Variants in TGFBR3 observed in about 807,000 individuals in gnomAD.
TGFBR3 encodes the protein transforming growth factor beta receptor 3.
TGFBR3 carries 46 observed loss-of-function variants against 87.9 expected under a neutral mutation model. The observed-to-expected ratio is 0.52, with a 90% CI of 0.41 to 0.67. The LOEUF (loss-of-function observed/expected upper bound fraction) is 0.67. TGFBR3 is among the 30% of genes least tolerant of loss of function. TGFBR3 has a pLI of 0.00. For missense variants in TGFBR3, 866 were observed against 1,041.9 expected (o/e 0.83, Z 2.32); for synonymous variants, 381 against 391.6 (o/e 0.97, Z 0.32).
intron 16 of TGFBR3, among the ~76,000 whole-genome samples, chr1:91,687,248 G>C (rs1671117453): frequency 1.3e-5 from 2 of 152,180 alleles, no homozygotes; most frequent in Non-Finnish European, 1.5e-5. Context: ...GAGGCCAGGA[G>C]TTAGAGACTG....
In TGFBR3 at chr1:91,716,584, C is replaced by T; in HGVS notation, c.1691G>A (p.Arg564Gln). Residue 564 changes from arginine (R) to glutamine (Q), a missense_variant, in exon 11 of 17, where the codon CGA becomes CAA. Arg to Gln is a conservative substitution (Grantham distance 43). Transcript: ENST00000212355. ...MDEGDASLFT[R>Q]PEIVVFNCSL... ...AACACATACCACCACGATTTCAGGTCGGGTGAACAGGGAAGCATCTCCTTC... is the reference window on the plus strand; with the variant it reads ...AACACATACCACCACGATTTCAGGTTGGGTGAACAGGGAAGCATCTCCTTC... 5.0e-6 allele frequency: 8 copies of T among 1,614,062 alleles called. No individual in the cohort carries two copies. The highest frequency in any genetic ancestry group is 6.8e-6 in the Non-Finnish European group (8 of 1,180,016).
chr1:91,721,815 A>C (rs1232313031), intron 8 of TGFBR3, 140 bp downstream of exon 8: 1 of 760,438 alleles, frequency 1.3e-6, no homozygotes, highest in African/African-American at 1.8e-5. Flanking sequence ...GGTAATTTTA[A>C]GCCTTCTGAT....
chr1:91,735,044 T>G lies in TGFBR3; in HGVS notation c.385-85A>C. ...AGAGAAAGTACTTCTCAAATCGAAG[T>G]GCTTGTAAATCGAACCTCTTCCCTT... On this transcript the variant is annotated intron_variant, in intron 4 of 16. Coordinates refer to ENST00000212355, the MANE Select transcript of TGFBR3 (RefSeq NM_003243.5). 7 of 1,492,078 alleles carry G rather than the reference T, an allele frequency of 4.7e-6. 1 individual carries two copies. The South Asian group carries it at 8.0e-5, about 17-fold the overall frequency. The allele number at this position is 1,492,078 out of a possible 1,614,324, so 92.4% of individuals were successfully genotyped here. A position where few individuals can be genotyped will look rare whatever the true frequency, so the allele number is the denominator to read the frequency against.
At chr1:91,794,892 T>C (rs1238290498) in intron 3 of TGFBR3, among the ~76,000 whole-genome samples, 1 of 152,272 alleles carries the variant, frequency 6.6e-6, no homozygotes, top group Non-Finnish European at 1.5e-5. Flanking sequence ...CTCGGGTATA[T>C]ACCTAAGAGT....
At chr1:91,774,011 T>C (rs1488516460) in intron 3 of TGFBR3, among the ~76,000 whole-genome samples, 2 of 152,220 alleles carry the variant, frequency 1.3e-5, no homozygotes, top group African/African-American at 2.4e-5. Flanking sequence ...GCAAAACAAA[T>C]AATGAAATAC....
chr1:91,747,116 C>T (rs533425762), intron 4 of TGFBR3, among the ~76,000 whole-genome samples: 1 of 152,330 alleles, frequency 6.6e-6, no homozygotes, highest in African/African-American at 2.4e-5. Flanking sequence ...AGATTACACA[C>T]CTTTAGCAAG....
rs148523035 is a variant in TGFBR3 at position 91,737,652 on chromosome 1, G to A, written c.385-2693C>T. Among the ~76,000 whole-genome samples, 778 of 152,226 alleles carry A rather than the reference G, an allele frequency of 5.1e-3. 10 individuals are homozygous for A. The highest frequency in any genetic ancestry group is 0.017 in the African/African-American group (690 of 41,546). On this transcript the variant is annotated intron_variant, in intron 4 of 16. Coordinates refer to ENST00000212355, the MANE Select transcript of TGFBR3 (RefSeq NM_003243.5). ...GCCTACTAGAACAAAGAATTCCTTC[G>A]TCTTTCTTCCATGAGACAAGACTTC... is the stretch of plus-strand genomic sequence containing the variant.
intron 2 of TGFBR3, among the ~76,000 whole-genome samples, chr1:91,839,553 A>C (rs1359933323): frequency 6.6e-6 from 1 of 152,190 alleles, no homozygotes; most frequent in Non-Finnish European, 1.5e-5. Context: ...CTATCAACAT[A>C]ACATATCCTC....
At chr1:91,832,388 A>T (rs1487524387) in intron 2 of TGFBR3, among the ~76,000 whole-genome samples, 1 of 152,090 alleles carries the variant, frequency 6.6e-6, no homozygotes, top group East Asian at 1.9e-4. Flanking sequence ...CCATTATATG[A>T]CCCTCAAAAT....
Position 91,705,694 on chromosome 1 carries a change from C to T in TGFBR3, c.2287+2969G>A, listed in dbSNP as rs146465968. Among the ~76,000 whole-genome samples, 1,283 of 152,262 alleles carry T rather than the reference C, an allele frequency of 8.4e-3. 17 individuals are homozygous for T. The highest frequency in any genetic ancestry group is 0.029 in the African/African-American group (1,202 of 41,532). ...CTGCCAGAAAACTTACCCCAGTAAG[C>T]GCAAAGTTAGAAAGCAAATTTGCAT... On this transcript the variant is annotated intron_variant, in intron 14 of 16. Coordinates refer to ENST00000212355, the MANE Select transcript of TGFBR3 (RefSeq NM_003243.5).
At chr1:91,706,766 G>A (rs1217560338) in intron 14 of TGFBR3, among the ~76,000 whole-genome samples, 2 of 152,094 alleles carry the variant, frequency 1.3e-5, no homozygotes, top group Non-Finnish European at 2.9e-5. Context: ...ACCCTCTATT[G>A]GGGTCTGAAT....
At chr1:91,883,548 G>A (rs1679181212) in intron 1 of TGFBR3, among the ~76,000 whole-genome samples, 1 of 152,026 alleles carries the variant, frequency 6.6e-6, no homozygotes, top group Non-Finnish European at 1.5e-5. Flanking sequence ...GGGTTTATGC[G>A]CCTTATAGAT....
intron 3 of TGFBR3, among the ~76,000 whole-genome samples, chr1:91,791,316 C>T (rs912223306): frequency 6.6e-6 from 1 of 152,034 alleles, no homozygotes; most frequent in Non-Finnish European, 1.5e-5. Context: ...CATAAAAGGC[C>T]CCTTGGTGGT....
At chr1:91,904,081 G>C (rs757407633) in intron 1 of TGFBR3, among the ~76,000 whole-genome samples, 1 of 152,286 alleles carries the variant, frequency 6.6e-6, no homozygotes, top group East Asian at 1.9e-4. Flanking sequence ...CTACTCGGGA[G>C]GCTGAGACAC....
At chr1:91,743,236 A>G (rs1350789323) in intron 4 of TGFBR3, among the ~76,000 whole-genome samples, 1 of 152,088 alleles carries the variant, frequency 6.6e-6, no homozygotes, top group Admixed American at 6.5e-5. Context: ...GGCCTCCCCA[A>G]CGTTGGTTTA....
intron 2 of TGFBR3, among the ~76,000 whole-genome samples, chr1:91,857,377 G>A (rs1355124498): frequency 6.6e-6 from 1 of 151,092 alleles, no homozygotes; most frequent in African/African-American, 2.4e-5. Context: ...AAAAAATTAA[G>A]CACCTAAATG....
At chr1:91,775,509 GA>G (rs1416119975) in intron 3 of TGFBR3, among the ~76,000 whole-genome samples, 1 of 152,172 alleles carries the variant, frequency 6.6e-6, no homozygotes, top group Admixed American at 6.5e-5. Context: ...CTTCCTCTAA[GA>G]AGCCCTTCCT....
At chr1:91,719,082 G>A (rs557731557) in intron 10 of TGFBR3, among the ~76,000 whole-genome samples, 19 of 152,244 alleles carry the variant, frequency 1.2e-4, no homozygotes, top group Non-Finnish European at 2.5e-4. Context: ...AGACGGAAAC[G>A]GGGGGTGAGA....
intron 16 of TGFBR3, among the ~76,000 whole-genome samples, chr1:91,692,611 T>C (rs886421524): frequency 6.6e-6 from 1 of 152,148 alleles, no homozygotes; most frequent in African/African-American, 2.4e-5. Context: ...AGCATGAACA[T>C]TCTATGGTTC....
Sources: gnomAD v4.1 joint callset for allele counts (sites outside exome capture counted in the v4.1 genomes callset) on GRCh38, gnomAD v4.1.1 for gene constraint, MANE v1.5 for transcripts, NCBI Gene and HGNC (gene_info 2026-07-23, HGNC 2026-07-21) for gene names.